The following DPH6 variants were observed in gnomAD, a reference collection of about 807,000 sequenced individuals.
DPH6 encodes the protein diphthine--ammonia ligase.
DPH6 carries 33 observed loss-of-function variants against 38.2 expected under a neutral mutation model. The ratio of observed to expected loss-of-function variants is 0.86; its 90% confidence interval spans 0.65 to 1.15. The LOEUF (loss-of-function observed/expected upper bound fraction) is 1.15, where lower values mean the gene tolerates loss of function less well. DPH6 is among the 50% of genes most tolerant of loss of function. The probability of loss-of-function intolerance (pLI) is 0.00; values close to 1 mark genes in which losing one functional copy is unlikely to be tolerated. For missense variants in DPH6, 325 were observed against 320.0 expected, an observed-to-expected ratio of 1.02 and a Z score of -0.12; for synonymous variants, 108 against 103.0, an observed-to-expected ratio of 1.05 and a Z score of -0.30.
intron 5 of DPH6, among the ~76,000 whole-genome samples, chr15:35,450,366 TC>T (rs1357721458): frequency 6.6e-6 from 1 of 151,362 alleles, no homozygotes; most frequent in Non-Finnish European, 1.5e-5. Flanking sequence ...ATTTCCTGTT[TC>T]CTACAAGCCT....
At chr15:35,393,126 G>A (rs2053082072) in intron 6 of DPH6, among the ~76,000 whole-genome samples, 1 of 152,290 alleles carries the variant, frequency 6.6e-6, no homozygotes, top group Middle Eastern at 3.4e-3. Flanking sequence ...CATTTTGGAT[G>A]AATGATGGAG....
chr15:35,333,970 T>C (rs1595483950), intron 3 of DPH6, among the ~76,000 whole-genome samples: 1 of 152,138 alleles, frequency 6.6e-6, no homozygotes, highest in African/African-American at 2.4e-5. Context: ...TCTTGTCCTT[T>C]GCAGGGACAT....
chr15:35,392,751 A>G (rs2053077496), intron 6 of DPH6, among the ~76,000 whole-genome samples: 1 of 152,216 alleles, frequency 6.6e-6, no homozygotes, highest in Non-Finnish European at 1.5e-5. Flanking sequence ...GTACCAATCT[A>G]AAAGGAAGCT....
chr15:35,184,428 GA>G, the DPH6 span, among the ~76,000 whole-genome samples: 1 of 152,120 alleles, frequency 6.6e-6, no homozygotes, highest in South Asian at 2.1e-4. Context: ...AAAGTAATAG[GA>G]TTGGCCTCAA....
chr15:35,536,955 C>T (rs1414614039), intron 3 of DPH6, among the ~76,000 whole-genome samples: 1 of 151,970 alleles, frequency 6.6e-6, no homozygotes, highest in Non-Finnish European at 1.5e-5. Context: ...CTTGTGATTT[C>T]CTTTCAAAAG....
the DPH6 span, among the ~76,000 whole-genome samples, chr15:35,145,835 C>T: frequency 6.6e-6 from 1 of 152,146 alleles, no homozygotes; most frequent in Non-Finnish European, 1.5e-5. Context: ...CTTCTCTCTC[C>T]ATCTATCTAT....
chr15:35,409,712 G>A (rs1190930603), intron 6 of DPH6, among the ~76,000 whole-genome samples: 1 of 151,756 alleles, frequency 6.6e-6, no homozygotes, highest in Non-Finnish European at 1.5e-5. Flanking sequence ...ATGATATAAT[G>A]GAGCTACAGA....
At chr15:35,181,823 T>C in the DPH6 span, 6 of 152,202 alleles carry the variant, frequency 3.9e-5, no homozygotes, top group Non-Finnish European at 8.8e-5. Context: ...AGCACTTACT[T>C]GGTAAGGAGA....
intron 3 of DPH6, among the ~76,000 whole-genome samples, chr15:35,258,332 C>A (rs1349119961): frequency 6.6e-6 from 1 of 152,116 alleles, no homozygotes; most frequent in Non-Finnish European, 1.5e-5. Flanking sequence ...AATGAACATG[C>A]AAGCCTCTAG....
At chr15:35,260,778 C>T (rs2051741640) in intron 3 of DPH6, among the ~76,000 whole-genome samples, 1 of 152,136 alleles carries the variant, frequency 6.6e-6, no homozygotes, top group Admixed American at 6.5e-5. Flanking sequence ...TAGCCTCTGA[C>T]CTCAGGCAAT....
At chr15:35,379,045 A>G (rs1030221331) in intron 7 of DPH6, among the ~76,000 whole-genome samples, 2 of 152,144 alleles carry the variant, frequency 1.3e-5, no homozygotes, top group Admixed American at 6.6e-5. Flanking sequence ...ACTTTAGAGG[A>G]GAATCTGTTC....
At position 35,243,268 on chromosome 15, in the gene DPH6, G is replaced by A. The variant is rs1289323872; in HGVS notation, n.201-22686C>T. 3.0e-4 allele frequency among the ~76,000 whole-genome samples: 43 copies of A among 141,450 alleles called. 2 individuals are homozygous for A. The highest frequency in any genetic ancestry group is 1.0e-3 in the African/African-American group (40 of 38,864). 92.8% of individuals were successfully genotyped at this position (141,450 alleles called of 152,430 possible). On this transcript the variant is annotated intron_variant and non_coding_transcript_variant, in intron 3 of 3. Transcript: ENST00000560386. Reference sequence around the variant, plus strand: ...CTCTCCCACTCTAGGTTCCCACGCCGCCCCTAATACCGCTTGAAGCAGCCC... The same window carrying A: ...CTCTCCCACTCTAGGTTCCCACGCCACCCCTAATACCGCTTGAAGCAGCCC...
chr15:35,152,021 C>T, the DPH6 span, among the ~76,000 whole-genome samples: 1 of 152,140 alleles, frequency 6.6e-6, no homozygotes, highest in African/African-American at 2.4e-5. Context: ...AATTATCTTA[C>T]TTGTTTTTAT....
At chr15:35,278,824 C>T (rs1288281452) in intron 3 of DPH6, among the ~76,000 whole-genome samples, 2 of 152,070 alleles carry the variant, frequency 1.3e-5, no homozygotes, top group Non-Finnish European at 2.9e-5. Context: ...CCAAGGCAGG[C>T]GGATCATGAG....
At chr15:35,543,291 T>C (rs1219616678) in intron 1 of DPH6, among the ~76,000 whole-genome samples, 1 of 70,872 alleles carries the variant, frequency 1.4e-5, no homozygotes, top group Non-Finnish European at 3.2e-5. Flanking sequence ...TATATATATA[T>C]ATATATATAT....
intron 5 of DPH6, among the ~76,000 whole-genome samples, chr15:35,422,194 A>C (rs1230390039): frequency 6.6e-6 from 1 of 151,938 alleles, no homozygotes; most frequent in African/African-American, 2.4e-5. Context: ...ATTGTGTTAA[A>C]ATTGACATGT....
intron 3 of DPH6, among the ~76,000 whole-genome samples, chr15:35,476,740 A>C (rs2054268746): frequency 6.6e-6 from 1 of 151,794 alleles, no homozygotes; most frequent in Admixed American, 6.6e-5. Context: ...TGCAAGACAA[A>C]GTGACTTGAG....
At chr15:35,469,272 C>T (rs1431925473) in intron 3 of DPH6, among the ~76,000 whole-genome samples, 1 of 152,060 alleles carries the variant, frequency 6.6e-6, no homozygotes, top group Non-Finnish European at 1.5e-5. Context: ...ATATATATAA[C>T]ATAATATTTA....
chr15:35,535,765 T>G (rs181555289), intron 3 of DPH6, among the ~76,000 whole-genome samples: 1 of 152,278 alleles, frequency 6.6e-6, no homozygotes, highest in East Asian at 1.9e-4. Context: ...TACCTCTAGC[T>G]GTCAGAGTCA....
Sources: allele counts gnomAD v4.1 joint callset (sites outside exome capture counted in the v4.1 genomes callset), GRCh38; gene constraint gnomAD v4.1.1; transcripts MANE v1.5; gene names NCBI Gene and HGNC (gene_info 2026-07-23, HGNC 2026-07-21).